Variants in ZNF609 observed in about 807,000 individuals in gnomAD.
ZNF609 encodes zinc finger protein 609.
A neutral mutation model predicts 109.5 loss-of-function variants in ZNF609; 11 were observed. The observed-to-expected ratio is 0.10, with a 90% CI of 0.06 to 0.17. The LOEUF (loss-of-function observed/expected upper bound fraction) is 0.17. Ranked by LOEUF, ZNF609 falls within the 10% of genes least tolerant of loss-of-function variation. The pLI is 1.00. For missense variants in ZNF609, 1,559 were observed against 1,772.4 expected (o/e 0.88, Z 2.16); for synonymous variants, 646 against 662.0 (o/e 0.98, Z 0.37).
intron 2 of ZNF609, among the ~76,000 whole-genome samples, chr15:64,528,384 A>G (rs868859292): frequency 2.1e-5 from 3 of 146,074 alleles, no homozygotes; most frequent in Non-Finnish European, 3.0e-5. Flanking sequence ...AAAAAAATTT[A>G]TTATTATTAT....
chr15:64,635,622 C>A (rs1896161804), intron 3 of ZNF609, among the ~76,000 whole-genome samples: 1 of 152,130 alleles, frequency 6.6e-6, no homozygotes, highest in South Asian at 2.1e-4. Context: ...GATGTTGAGC[C>A]CTCTGGTCTT....
intron 3 of ZNF609, among the ~76,000 whole-genome samples, chr15:64,640,254 G>T (rs535362373): frequency 2.0e-5 from 3 of 152,014 alleles, no homozygotes; most frequent in Admixed American, 2.0e-4. Flanking sequence ...GCCCTGGCTG[G>T]TCTTGAACTC....
At chr15:64,532,304 A>C (rs1318197657) in intron 2 of ZNF609, among the ~76,000 whole-genome samples, 1 of 152,096 alleles carries the variant, frequency 6.6e-6, no homozygotes, top group South Asian at 2.1e-4. Flanking sequence ...TTAATTTACT[A>C]TGTGTATACT....
chr15:64,537,502 C>CA (rs546622262), intron 2 of ZNF609, among the ~76,000 whole-genome samples: 7,305 of 84,282 alleles, frequency 0.087, 223 homozygotes, highest in South Asian at 0.14. Flanking sequence ...AACTCTGTCT[C>CA]AAAAAAAAAA....
intron 2 of ZNF609, chr15:64,502,787 C>G (rs2140352596): frequency 1.3e-5 from 2 of 152,374 alleles, no homozygotes; most frequent in Middle Eastern, 6.8e-3. Flanking sequence ...AAATTACTGG[C>G]TGGGCCTGGT....
At chr15:64,591,226 G>C (rs955114061) in intron 2 of ZNF609, among the ~76,000 whole-genome samples, 2 of 152,084 alleles carry the variant, frequency 1.3e-5, no homozygotes, top group African/African-American at 4.8e-5. Context: ...TCAAGAGATC[G>C]AGACCATCCT....
intron 2 of ZNF609, among the ~76,000 whole-genome samples, chr15:64,563,415 C>T (rs1894714877): frequency 6.6e-6 from 1 of 150,894 alleles, no homozygotes; most frequent in South Asian, 2.1e-4. Flanking sequence ...CGCATCACTG[C>T]ACTCCAGCCT....
intron 2 of ZNF609, among the ~76,000 whole-genome samples, chr15:64,599,533 A>C (rs1895460541): frequency 6.6e-6 from 1 of 152,266 alleles, no homozygotes; most frequent in Admixed American, 6.5e-5. Context: ...TTGCAAAGTC[A>C]AATTGCTTAA....
intron 2 of ZNF609, among the ~76,000 whole-genome samples, chr15:64,519,978 C>T (rs1446789360): frequency 6.6e-6 from 1 of 152,146 alleles, no homozygotes; most frequent in Non-Finnish European, 1.5e-5. Flanking sequence ...AGGTCAGCAA[C>T]AAATGTTTGT....
intron 1 of ZNF609, among the ~76,000 whole-genome samples, chr15:64,484,050 CTTTTT>C (rs11290071): frequency 1.6e-5 from 2 of 128,798 alleles, no homozygotes; most frequent in African/African-American, 2.8e-5. Context: ...AGTTTCTTTC[CTTTTT>C]TTTTTTTTTG....
At chr15:64,485,480 T>TAATTATAGAGTCTTACGCA (rs1308103311) in intron 1 of ZNF609, among the ~76,000 whole-genome samples, 1 of 152,202 alleles carries the variant, frequency 6.6e-6, no homozygotes, top group Non-Finnish European at 1.5e-5. Flanking sequence ...TATTTTGAGA[T>TAATTATAGAGTCTTACGCA]AATTATAGAG....
intron 2 of ZNF609, among the ~76,000 whole-genome samples, chr15:64,570,919 G>A (rs1265108905): frequency 6.6e-6 from 1 of 152,054 alleles, no homozygotes; most frequent in Non-Finnish European, 1.5e-5. Context: ...CCAGCTACTC[G>A]GGAGGCTGAG....
chr15:64,645,086 C>CCTCT (rs1896315390), intron 3 of ZNF609, among the ~76,000 whole-genome samples: 1 of 38,592 alleles, frequency 2.6e-5, no homozygotes, highest in African/African-American at 8.6e-5. Context: ...CCTTTCTTTC[C>CCTCT]CTCCCTCCCT....
At chr15:64,530,434 C>T (rs1894042798) in intron 2 of ZNF609, among the ~76,000 whole-genome samples, 2 of 152,196 alleles carry the variant, frequency 1.3e-5, no homozygotes, top group African/African-American at 4.8e-5. Flanking sequence ...AGATTAAATG[C>T]AATTACAAAG....
At chr15:64,520,496 CGTAGAAA>C (rs973333673) in intron 2 of ZNF609, among the ~76,000 whole-genome samples, 1 of 152,024 alleles carries the variant, frequency 6.6e-6, no homozygotes, top group Non-Finnish European at 1.5e-5. Flanking sequence ...ATGTTGTTTC[CGTAGAAA>C]GTAGAAAACC....
intron 1 of ZNF609, among the ~76,000 whole-genome samples, chr15:64,472,101 G>T (rs1893099783): frequency 6.6e-6 from 1 of 150,720 alleles, no homozygotes; most frequent in African/African-American, 2.4e-5. Context: ...TAGTAGAGAT[G>T]GGGTTTCCCC....
intron 3 of ZNF609, among the ~76,000 whole-genome samples, chr15:64,669,728 C>T (rs1018611919): frequency 1.1e-4 from 16 of 151,856 alleles, no homozygotes; most frequent in East Asian, 1.9e-4. Context: ...AGTGCAGTGG[C>T]GCAATCTTGG....
intron 2 of ZNF609, among the ~76,000 whole-genome samples, chr15:64,545,799 A>G (rs1391525583): frequency 6.6e-6 from 1 of 152,200 alleles, no homozygotes; most frequent in Non-Finnish European, 1.5e-5. Flanking sequence ...TTCACTTAAT[A>G]TAATCTCCTT....
In ZNF609 at chr15:64,678,098, G is replaced by T. The variant is rs1256152971; in HGVS notation, c.3403-18G>T. The T allele has an allele frequency of 6.2e-7, 1 of 1,605,580 alleles. No individual in the cohort carries two copies. The highest frequency in any genetic ancestry group is 1.7e-5 in the Admixed American group (1 of 59,664). On this transcript the variant is annotated intron_variant, in intron 5 of 9. Transcript: ENST00000326648. ...CTTATCTGTACAACACCCAGTCGTT[G>T]TTCTGTGATTGTTGTAGGAGGCAGA...
Sources: allele counts gnomAD v4.1 joint callset (sites outside exome capture counted in the v4.1 genomes callset), GRCh38; gene constraint gnomAD v4.1.1; transcripts MANE v1.5; gene names NCBI Gene and HGNC (gene_info 2026-07-23, HGNC 2026-07-21).